Variants in KCNK2 observed in about 807,000 individuals in gnomAD.
KCNK2 encodes potassium two pore domain channel subfamily K member 2.
A neutral mutation model predicts 40.5 loss-of-function variants in KCNK2; 21 were observed. The observed-to-expected ratio is 0.52, with a 90% CI of 0.37 to 0.75. KCNK2 has a LOEUF of 0.75. KCNK2 is among the 30% of genes least tolerant of loss of function. KCNK2 has a pLI of 0.00. For missense variants in KCNK2, 399 were observed against 531.6 expected, an observed-to-expected ratio of 0.75 and a Z score of 2.45; for synonymous variants, 191 against 202.2, an observed-to-expected ratio of 0.94 and a Z score of 0.47.
chr1:215,210,107 T>G (rs1043097781), intron 6 of KCNK2, among the ~76,000 whole-genome samples: 4 of 71,902 alleles, frequency 5.6e-5, no homozygotes, highest in Non-Finnish European at 1.0e-4. Flanking sequence ...ATATATGTAC[T>G]ATACATACTA....
chr1:215,177,740 A>AT (rs375712483), intron 5 of KCNK2, among the ~76,000 whole-genome samples: 4,293 of 101,584 alleles, frequency 0.042, 152 homozygotes, highest in African/African-American at 0.094. Flanking sequence ...ATATATATAT[A>AT]TTTTTTTTTT....
At chr1:215,129,959 G>A (rs1661595906) in intron 3 of KCNK2, among the ~76,000 whole-genome samples, 1 of 152,106 alleles carries the variant, frequency 6.6e-6, no homozygotes, top group Non-Finnish European at 1.5e-5. Context: ...AGAAACCTTG[G>A]GATTTTCTGA....
chr1:215,133,213 AT>A (rs1287531685), intron 3 of KCNK2, among the ~76,000 whole-genome samples: 1 of 152,194 alleles, frequency 6.6e-6, no homozygotes, highest in Non-Finnish European at 1.5e-5. Context: ...ACTTTCACCC[AT>A]TCCTGAATAA....
At chr1:215,012,669 A>G (rs1456138191) in intron 1 of KCNK2, among the ~76,000 whole-genome samples, 4 of 143,088 alleles carry the variant, frequency 2.8e-5, no homozygotes, top group African/African-American at 1.0e-4. Context: ...TTTTTTCTGT[A>G]GAGTCAGTGC....
At chr1:215,035,750 A>C (rs1453450465) in intron 1 of KCNK2, among the ~76,000 whole-genome samples, 1 of 152,088 alleles carries the variant, frequency 6.6e-6, no homozygotes, top group Non-Finnish European at 1.5e-5. Context: ...CACTTGTGAA[A>C]ATAGAAGTGA....
chr1:215,029,661 T>C (rs558224621), intron 1 of KCNK2, among the ~76,000 whole-genome samples: 24 of 148,360 alleles, frequency 1.6e-4, no homozygotes, highest in African/African-American at 5.6e-4. Flanking sequence ...TATATTTGGA[T>C]ATACTTAAAT....
At chr1:215,167,237 C>A (rs1482923286) in intron 3 of KCNK2, among the ~76,000 whole-genome samples, 1 of 151,460 alleles carries the variant, frequency 6.6e-6, no homozygotes, top group African/African-American at 2.4e-5. Context: ...AATAAAGCCA[C>A]AAGGAAAATC....
At chr1:215,102,550 G>T (rs1261088664) in intron 2 of KCNK2, among the ~76,000 whole-genome samples, 1 of 151,934 alleles carries the variant, frequency 6.6e-6, no homozygotes, top group Non-Finnish European at 1.5e-5. Flanking sequence ...TATTTTTAAT[G>T]GATTTAGTAG....
chr1:215,157,032 C>G (rs1028378501), intron 3 of KCNK2, among the ~76,000 whole-genome samples: 1 of 152,098 alleles, frequency 6.6e-6, no homozygotes, highest in African/African-American at 2.4e-5. Context: ...GCCTGGGCAA[C>G]AAGAGCAAAA....
chr1:215,151,917 G>T (rs1280767948), intron 3 of KCNK2, among the ~76,000 whole-genome samples: 1 of 152,008 alleles, frequency 6.6e-6, no homozygotes, highest in African/African-American at 2.4e-5. Flanking sequence ...ATTACTTCAT[G>T]AAATTATTCT....
intron 1 of KCNK2, among the ~76,000 whole-genome samples, chr1:215,072,854 G>T (rs1658802837): frequency 6.6e-6 from 1 of 152,178 alleles, no homozygotes; most frequent in Admixed American, 6.5e-5. Context: ...TATAGGCAAT[G>T]TTATGGGCTG....
At chr1:215,113,102 T>C (rs1216920221) in intron 2 of KCNK2, among the ~76,000 whole-genome samples, 1 of 152,190 alleles carries the variant, frequency 6.6e-6, no homozygotes, top group African/African-American at 2.4e-5. Flanking sequence ...ACATAGGCCA[T>C]ATGCGACATA....
At chr1:215,052,472 T>C (rs1389281377) in intron 1 of KCNK2, among the ~76,000 whole-genome samples, 1 of 152,150 alleles carries the variant, frequency 6.6e-6, no homozygotes, top group African/African-American at 2.4e-5. Flanking sequence ...AGGATAAACA[T>C]TGGAATTTCA....
In KCNK2 at chr1:215,235,361, G is replaced by T. The variant is rs768127287; in HGVS notation, c.*216G>T. 1.6e-5 allele frequency: 8 copies of T among 490,556 alleles called. No individual in the cohort carries two copies. Among genetic ancestry groups the T allele is most frequent in the Non-Finnish European group, 2.9e-5 (8 of 275,062 alleles). The allele number at this position is 490,556 out of a possible 1,614,324, so 30.4% of individuals were successfully genotyped here. ...TGTTGAACGGTCCACTTTCTTTGATGAGTGGAATGACAAGCAATGTCTGAT... is the reference window on the plus strand; with the variant it reads ...TGTTGAACGGTCCACTTTCTTTGATTAGTGGAATGACAAGCAATGTCTGAT... On this transcript the variant is annotated 3_prime_UTR_variant, in exon 7 of 7. Transcript: ENST00000444842.
chr1:215,119,491 T>A (rs1049784716), intron 2 of KCNK2, among the ~76,000 whole-genome samples: 9 of 152,190 alleles, frequency 5.9e-5, no homozygotes, highest in Non-Finnish European at 1.5e-5. Context: ...AGTTTAATGC[T>A]ACACTCTTAA....
At chr1:215,089,830 TTTTTTTTTA>T (rs886106850) in intron 2 of KCNK2, among the ~76,000 whole-genome samples, 4 of 63,592 alleles carry the variant, frequency 6.3e-5, no homozygotes, top group East Asian at 3.3e-4. Flanking sequence ...TTTTTCTTTT[TTTTTTTTTA>T]TTTTGAAACA....
intron 6 of KCNK2, among the ~76,000 whole-genome samples, chr1:215,209,382 A>T (rs1370672546): frequency 3.8e-4 from 27 of 70,830 alleles, no homozygotes; most frequent in Non-Finnish European, 5.9e-4. Flanking sequence ...TTATATATAA[A>T]ATATATATAT....
chr1:215,063,923 G>T (rs1181953366), intron 1 of KCNK2, among the ~76,000 whole-genome samples: 1 of 152,174 alleles, frequency 6.6e-6, no homozygotes, highest in African/African-American at 2.4e-5. Context: ...GATTTGTAAA[G>T]GTCACAGATA....
intron 3 of KCNK2, among the ~76,000 whole-genome samples, chr1:215,140,936 T>C (rs1662144473): frequency 6.6e-6 from 1 of 152,196 alleles, no homozygotes; most frequent in Non-Finnish European, 1.5e-5. Flanking sequence ...ATTTTACAGC[T>C]GTACAAAAAT....
Sources: gnomAD v4.1 joint callset for allele counts (sites outside exome capture counted in the v4.1 genomes callset) on GRCh38, gnomAD v4.1.1 for gene constraint, MANE v1.5 for transcripts, NCBI Gene and HGNC (gene_info 2026-07-23, HGNC 2026-07-21) for gene names.